Variants in BMPR1A observed in about 807,000 individuals in gnomAD.
The protein encoded by BMPR1A is bone morphogenetic protein receptor type-1A.
A neutral mutation model predicts 66.0 loss-of-function variants in BMPR1A; 7 were observed. The ratio of observed to expected loss-of-function variants is 0.11; its 90% CI spans 0.06 to 0.20. BMPR1A has a LOEUF of 0.20. BMPR1A is among the 10% of genes least tolerant of loss of function. The pLI, the probability that BMPR1A is intolerant of heterozygous loss-of-function variation, is 1.00. For missense variants in BMPR1A, 408 were observed against 669.1 expected (o/e 0.61, Z 4.31); for synonymous variants, 200 against 229.7 (o/e 0.87, Z 1.17).
chr10:86,865,525 C>T (rs1842774575), intron 2 of BMPR1A, among the ~76,000 whole-genome samples: 1 of 152,222 alleles, frequency 6.6e-6, no homozygotes. Context: ...CTCAGCCCGC[C>T]TGCACCCAGG....
Position 86,904,102 on chromosome 10 carries a change from C to T in BMPR1A, c.530+3976C>T, listed in dbSNP as rs1185569674. 6.6e-5 allele frequency among the ~76,000 whole-genome samples: 10 copies of T among 152,148 alleles called. 1 individual carries two copies. The highest frequency in any genetic ancestry group is 6.5e-4 in the Admixed American group (10 of 15,276). On this transcript the variant is annotated intron_variant, in intron 7 of 12. Transcript: ENST00000372037. Reference sequence around the variant, plus strand: ...TATTTTTAGTAGAGATGGGGTTTCACCATGTTGGCCAGGCTGGTCTCGAAC... The same window carrying T: ...TATTTTTAGTAGAGATGGGGTTTCATCATGTTGGCCAGGCTGGTCTCGAAC...
At position 86,908,770 on chromosome 10, in the gene BMPR1A, A is replaced by G. The variant is rs1306631149; in HGVS notation, c.531-3470A>G. 2.6e-5 allele frequency among the ~76,000 whole-genome samples: 4 copies of G among 152,094 alleles called. No homozygotes were observed. The East Asian group carries it at 7.7e-4, about 29-fold the overall frequency. ...CCTTAGGTAGGTTCTGTGTTGCTAG[A>G]CCTTAAGGGTGCAGCTTCCTCAGGG... On this transcript the variant is annotated intron_variant, in intron 7 of 12. Coordinates refer to ENST00000372037, the MANE Select transcript of BMPR1A (RefSeq NM_004329.3).
At chr10:86,886,987 C>T (rs1216241049) in intron 3 of BMPR1A, among the ~76,000 whole-genome samples, 1 of 151,860 alleles carries the variant, frequency 6.6e-6, no homozygotes, top group Non-Finnish European at 1.5e-5. Context: ...CTTGCCACCA[C>T]GCCCAGCTAA....
intron 1 of BMPR1A, among the ~76,000 whole-genome samples, chr10:86,760,899 T>C (rs1314018127): frequency 1.3e-5 from 2 of 152,254 alleles, no homozygotes; most frequent in East Asian, 3.8e-4. Flanking sequence ...CATTGAGTTA[T>C]GTCCATTGTA....
intron 1 of BMPR1A, among the ~76,000 whole-genome samples, chr10:86,778,794 T>C (rs772781018): frequency 1.5e-4 from 23 of 152,184 alleles, no homozygotes; most frequent in Admixed American, 2.6e-4. Context: ...GTTTTACTTA[T>C]AAGTTTTTTA....
intron 1 of BMPR1A, among the ~76,000 whole-genome samples, chr10:86,803,662 C>T (rs531001551): frequency 1.3e-5 from 2 of 152,082 alleles, no homozygotes; most frequent in Non-Finnish European, 2.9e-5. Flanking sequence ...TACTTTTGGT[C>T]TTTTGTGACC....
At chr10:86,864,312 C>G (rs751498246) in intron 2 of BMPR1A, among the ~76,000 whole-genome samples, 2 of 152,186 alleles carry the variant, frequency 1.3e-5, no homozygotes, top group Admixed American at 1.3e-4. Context: ...AAAAGTTATT[C>G]CACTAATTCC....
chr10:86,783,135 C>G (rs894612226), intron 1 of BMPR1A, among the ~76,000 whole-genome samples: 2 of 152,154 alleles, frequency 1.3e-5, no homozygotes, highest in African/African-American at 4.8e-5. Context: ...TATTCTTTCC[C>G]CATTGCGTAG....
At chr10:86,839,821 C>G (rs1318837053) in intron 2 of BMPR1A, among the ~76,000 whole-genome samples, 1 of 151,816 alleles carries the variant, frequency 6.6e-6, no homozygotes, top group African/African-American at 2.4e-5. Context: ...CCATGCCCAG[C>G]TAATTTATTT....
intron 1 of BMPR1A, among the ~76,000 whole-genome samples, chr10:86,773,466 A>G (rs774333247): frequency 6.6e-6 from 1 of 151,862 alleles, no homozygotes; most frequent in Non-Finnish European, 1.5e-5. Flanking sequence ...GGTGGCGGGC[A>G]CCTGTAATCC....
intron 5 of BMPR1A, among the ~76,000 whole-genome samples, 156 bp from the exon 6 acceptor site, chr10:86,899,638 G>C (rs572270522): frequency 1.2e-4 from 18 of 152,224 alleles, no homozygotes; most frequent in Non-Finnish European, 2.4e-4. Context: ...CACTATTTCA[G>C]CACAAATTTT....
At chr10:86,776,223 A>T (rs948502338) in intron 1 of BMPR1A, among the ~76,000 whole-genome samples, 2 of 152,244 alleles carry the variant, frequency 1.3e-5, no homozygotes, top group Non-Finnish European at 2.9e-5. Flanking sequence ...TAAATAATCC[A>T]GGGGTGAGTA....
chr10:86,912,110 C>G (rs984146724), intron 7 of BMPR1A, 130 bp from the exon 8 acceptor site: 6 of 963,334 alleles, frequency 6.2e-6, no homozygotes, highest in Non-Finnish European at 9.5e-6. Context: ...GATATATTAT[C>G]CAATGATAAG....
At chr10:86,906,746 A>C (rs1192615385) in intron 7 of BMPR1A, among the ~76,000 whole-genome samples, 3 of 34,502 alleles carry the variant, frequency 8.7e-5, no homozygotes, top group Non-Finnish European at 1.3e-4. Flanking sequence ...AAAAAAAAAA[A>C]AAAAAAAAAA....
At chr10:86,913,553 A>G (rs1843522094) in intron 8 of BMPR1A, among the ~76,000 whole-genome samples, 1 of 152,188 alleles carries the variant, frequency 6.6e-6, no homozygotes, top group Admixed American at 6.5e-5. Context: ...ATGGTACAAT[A>G]AAACTACTGC....
At chr10:86,799,059 G>A (rs1482247392) in intron 1 of BMPR1A, among the ~76,000 whole-genome samples, 1 of 152,146 alleles carries the variant, frequency 6.6e-6, no homozygotes, top group Non-Finnish European at 1.5e-5. Flanking sequence ...ACTACTAAAG[G>A]GATGTCAGGG....
rs113037361 is a variant in BMPR1A, at chr10:86,916,948, G to A, written c.676-186G>A. Reference sequence around the variant, plus strand: ...GTGAAGGTTGCAGTGAGCCGAGATCGCGCCACTGCACTCCATCCTGGGTGA... The same window carrying A: ...GTGAAGGTTGCAGTGAGCCGAGATCACGCCACTGCACTCCATCCTGGGTGA... On this transcript the variant is annotated intron_variant, in intron 8 of 12. Transcript: ENST00000372037. 5.7e-3 allele frequency among the ~76,000 whole-genome samples: 860 copies of A among 151,856 alleles called. 7 individuals are homozygous for A. Among genetic ancestry groups the A allele is most frequent in the African/African-American group, 0.02 (811 of 41,392 alleles).
intron 2 of BMPR1A, among the ~76,000 whole-genome samples, chr10:86,845,601 A>C (rs530536798): frequency 6.6e-6 from 1 of 152,282 alleles, no homozygotes; most frequent in East Asian, 1.9e-4. Flanking sequence ...GAGCACCACG[A>C]AGGTCTGCTG....
intron 2 of BMPR1A, among the ~76,000 whole-genome samples, chr10:86,865,667 C>G (rs1285172832): frequency 6.6e-6 from 1 of 152,122 alleles, no homozygotes; most frequent in Admixed American, 6.5e-5. Context: ...TCCCCTGCCC[C>G]CACAAAAAAA....
Sources: allele counts gnomAD v4.1 joint callset (sites outside exome capture counted in the v4.1 genomes callset), GRCh38; gene constraint gnomAD v4.1.1; transcripts MANE v1.5; gene names NCBI Gene and HGNC (gene_info 2026-07-23, HGNC 2026-07-21).